BPI: variants seen among roughly 807,000 people sequenced by gnomAD.
BPI encodes bactericidal permeability-increasing protein.
In BPI, 48 loss-of-function variants were observed where a neutral mutation model predicts 57.6. That is an observed-to-expected ratio of 0.83 (90% CI 0.66 to 1.06). The LOEUF (loss-of-function observed/expected upper bound fraction) is 1.06. Ranked by LOEUF, BPI falls within the 50% of genes least tolerant of loss-of-function variation. The probability of loss-of-function intolerance (pLI) is 0.00; values close to 1 mark genes in which losing one functional copy is unlikely to be tolerated. For synonymous variants in BPI, 237 were observed against 238.2 expected (o/e 0.99, Z 0.05); for missense variants, 651 against 609.7 (o/e 1.07, Z -0.71).
Position 38,320,227 on chromosome 20 carries a change from G to T in BPI, c.709G>T (p.Val237Leu). Residue 237 changes from valine to leucine, a missense_variant, in exon 7 of 15, where the codon GTG (valine) becomes TTG (leucine). Coordinates refer to ENST00000642449, the MANE Select transcript of BPI (RefSeq NM_001725.3). ...DSVAGINYGL[V>L]APPATTAETL... ...TGTGGCTGGAATCAACTATGGTCTG[G>T]TGGCACCTCCAGCAACCACGGCTGA... is the stretch of plus-strand genomic sequence containing the variant. 6.2e-7 allele frequency: 1 copy of T among 1,614,056 alleles called. No individual in the cohort carries two copies. The highest frequency in any genetic ancestry group is 8.5e-7 in the Non-Finnish European group (1 of 1,180,002).
At chr20:38,311,008 C>T (rs1423550016) in intron 4 of BPI, among the ~76,000 whole-genome samples, 1 of 152,248 alleles carries the variant, frequency 6.6e-6, no homozygotes, top group African/African-American at 2.4e-5. Flanking sequence ...CTGCACCAGG[C>T]TCGTGCAACA....
chr20:38,320,902 G>A (rs1181019584), intron 7 of BPI, among the ~76,000 whole-genome samples: 5 of 130,532 alleles, frequency 3.8e-5, no homozygotes, highest in Non-Finnish European at 3.3e-5. Flanking sequence ...TGGGTGGGTG[G>A]ATGGATGGGT....
Position 38,335,658 on chromosome 20 carries a change from T to A in BPI, c.1397T>A (p.Val466Glu), listed in dbSNP as rs765263229. ...GCCAGAGTCCAGCTCTACAACGTAG[T>A]GCTTCAGCCTCACCAGGTGAGTCCC... Reference protein sequence around the residue: ...TPARVQLYNVVLQPHQNFLLF... With the variant: ...TPARVQLYNVELQPHQNFLLF... The change falls in exon 14 of 15, where the codon GTG becomes GAG. Residue 466 changes from valine to glutamate, a missense_variant. Transcript: ENST00000642449. 9.3e-6 allele frequency: 15 copies of A among 1,614,144 alleles called. No individual in the cohort carries two copies. In the South Asian group the frequency reaches 9.9e-5, roughly 11 times the overall value.
chr20:38,334,606 T>C, intron 13 of BPI, 113 bp downstream of exon 13: 3 of 1,069,352 alleles, frequency 2.8e-6, no homozygotes, highest in Admixed American at 1.9e-5. Flanking sequence ...GCAGTGGTGA[T>C]GTCAAGTGAA....
intron 6 of BPI, 190 bp from the exon 7 acceptor site, chr20:38,319,993 T>C (rs2076672935): frequency 1.7e-6 from 1 of 596,538 alleles, no homozygotes; most frequent in African/African-American, 1.9e-5. Context: ...TAAGGGGGTG[T>C]CTGTGAATGT....
At chr20:38,304,729 C>G (rs541269388) in intron 1 of BPI, among the ~76,000 whole-genome samples, 65 of 152,322 alleles carry the variant, frequency 4.3e-4, no homozygotes, top group African/African-American at 1.5e-3. Flanking sequence ...TGAGCAGGGT[C>G]AGAGGGAGAG....
chr20:38,306,389 G>A (rs1171082549), intron 1 of BPI, among the ~76,000 whole-genome samples: 1 of 152,196 alleles, frequency 6.6e-6, no homozygotes, highest in Non-Finnish European at 1.5e-5. Context: ...GGAATGTAAG[G>A]GACACACGAG....
intron 1 of BPI, among the ~76,000 whole-genome samples, chr20:38,306,716 T>C (rs1035413701): frequency 3.3e-5 from 5 of 151,960 alleles, no homozygotes; most frequent in Admixed American, 3.3e-4. Flanking sequence ...GGGAGATCTG[T>C]GGGGGTGTAG....
intron 11 of BPI, among the ~76,000 whole-genome samples, chr20:38,328,605 A>AAATGAGG (rs11281611): frequency 0.063 from 9,592 of 152,152 alleles, 872 homozygotes; most frequent in East Asian, 0.41. Context: ...TTGTGAGCTG[A>AAATGAGG]AATGAGGTAT....
chr20:38,311,090 G>C (rs1234549098), intron 4 of BPI, among the ~76,000 whole-genome samples: 2 of 152,190 alleles, frequency 1.3e-5, no homozygotes, highest in Non-Finnish European at 2.9e-5. Context: ...ACTGTGCCCA[G>C]CACTGATTTG....
At chr20:38,330,916 G>A (rs5743533) in intron 11 of BPI, 132 bp from the exon 12 acceptor site, 459,545 of 1,019,784 alleles carry the variant, frequency 0.45, 105,900 homozygotes, top group Middle Eastern at 0.48. Flanking sequence ...GCTGTGACCC[G>A]TGGAAGGGGA....
rs1333186870 is a variant in BPI at position 38,308,823 on chromosome 20, A to G, written c.246-107A>G. On this transcript the variant is annotated intron_variant, in intron 2 of 14. Coordinates refer to ENST00000642449, the MANE Select transcript of BPI (RefSeq NM_001725.3). ...GGCTCCTCCTGGAATGGATGGAGTGAAGGACCAGGTGGTGGGGGACGAGTC... is the reference window on the plus strand; with the variant it reads ...GGCTCCTCCTGGAATGGATGGAGTGGAGGACCAGGTGGTGGGGGACGAGTC... 5.6e-6 allele frequency: 8 copies of G among 1,429,502 alleles called. No individual in the cohort carries two copies. In the East Asian group the frequency reaches 9.2e-5, roughly 16 times the overall value. The allele number at this position is 1,429,502 out of a possible 1,614,324, so 88.6% of individuals were successfully genotyped here.
chr20:38,335,773 C>A lies in BPI; in HGVS notation c.1413+99C>A, dbSNP rs147096244. 8.0e-5 allele frequency: 95 copies of A among 1,193,862 alleles called. No individual in the cohort carries two copies. In the African/African-American group the frequency reaches 1.3e-3, roughly 16 times the overall value. 74.0% of individuals were successfully genotyped at this position (1,193,862 alleles called of 1,614,324 possible). On this transcript the variant is annotated intron_variant, in intron 14 of 14. Coordinates refer to ENST00000642449, the MANE Select transcript of BPI (RefSeq NM_001725.3). ...CCTGCATGCCAAGCCCTGTGTGAAGCGCCTTCTACCCTTACAACAACTCTG... is the reference window on the plus strand; with the variant it reads ...CCTGCATGCCAAGCCCTGTGTGAAGAGCCTTCTACCCTTACAACAACTCTG...
chr20:38,316,707 A>G (rs947568962), intron 5 of BPI, among the ~76,000 whole-genome samples: 3 of 152,176 alleles, frequency 2.0e-5, no homozygotes, highest in Non-Finnish European at 4.4e-5. Flanking sequence ...ACACCTCAGA[A>G]TTGTCCCAGA....
At chr20:38,330,259 A>G (rs1333495468) in intron 11 of BPI, among the ~76,000 whole-genome samples, 3 of 152,068 alleles carry the variant, frequency 2.0e-5, no homozygotes, top group African/African-American at 7.2e-5. Flanking sequence ...GAAAAAAAAA[A>G]GCAAACCGTG....
At chr20:38,308,762 G>T (rs1026456934) in intron 2 of BPI, among the ~76,000 whole-genome samples, 168 bp from the exon 3 acceptor site, 1 of 152,168 alleles carries the variant, frequency 6.6e-6, no homozygotes, top group Admixed American at 6.5e-5. Context: ...CACTCCAGTT[G>T]CCTACATATC....
At chr20:38,319,037 C>T (rs2076667765) in intron 6 of BPI, among the ~76,000 whole-genome samples, 1 of 152,140 alleles carries the variant, frequency 6.6e-6, no homozygotes, top group South Asian at 2.1e-4. Context: ...GAGTTCAAGA[C>T]CAGCTTGGCC....
At chr20:38,311,352 G>T (rs2076620972) in intron 4 of BPI, among the ~76,000 whole-genome samples, 2 of 152,214 alleles carry the variant, frequency 1.3e-5, no homozygotes, top group Non-Finnish European at 2.9e-5. Context: ...GGCCCACACA[G>T]AATTACAAAA....
intron 12 of BPI, among the ~76,000 whole-genome samples, chr20:38,333,463 G>C (rs1190781396): frequency 6.6e-6 from 1 of 152,276 alleles, no homozygotes; most frequent in Admixed American, 6.5e-5. Context: ...ATGCACTATA[G>C]GGCAATCAGA....
Sources: allele counts gnomAD v4.1 joint callset (sites outside exome capture counted in the v4.1 genomes callset), GRCh38; gene constraint gnomAD v4.1.1; transcripts MANE v1.5; gene names NCBI Gene and HGNC (gene_info 2026-07-23, HGNC 2026-07-21).